Variants in DLG2 observed in about 807,000 individuals in gnomAD.
DLG2 encodes discs large MAGUK scaffold protein 2.
Under a neutral mutation model 132.5 loss-of-function variants are expected in DLG2, and 45 were observed. The ratio of observed to expected loss-of-function variants is 0.34; its 90% CI spans 0.27 to 0.44. The LOEUF is 0.44. Ranked by LOEUF, DLG2 falls within the 20% of genes least tolerant of loss-of-function variation. DLG2 has a pLI of 1.00. For missense variants in DLG2, 1,045 were observed against 1,196.9 expected (o/e 0.87, Z 1.87); for synonymous variants, 424 against 419.6 (o/e 1.01, Z -0.13).
chr11:84,545,368 T>A, intron 6 of DLG2: 1 of 523,096 alleles, frequency 1.9e-6, no homozygotes. Flanking sequence ...ATTATAGCCA[T>A]CCCACTGCCA....
At chr11:83,700,051 G>A (rs1329871560) in intron 18 of DLG2, among the ~76,000 whole-genome samples, 1 of 151,334 alleles carries the variant, frequency 6.6e-6, no homozygotes, top group Non-Finnish European at 1.5e-5. Flanking sequence ...AGACGAATGA[G>A]GGCAGGAGAG....
At chr11:85,097,526 A>C (rs953890514) in intron 6 of DLG2, among the ~76,000 whole-genome samples, 1 of 152,238 alleles carries the variant, frequency 6.6e-6, no homozygotes, top group African/African-American at 2.4e-5. Context: ...AATGGTGATG[A>C]GCTATAGAAG....
chr11:84,790,399 C>T (rs1299694606), intron 6 of DLG2, among the ~76,000 whole-genome samples: 3 of 152,150 alleles, frequency 2.0e-5, no homozygotes, highest in Admixed American at 6.5e-5. Context: ...TAAGAAATGT[C>T]TATTCAAATC....
intron 3 of DLG2, among the ~76,000 whole-genome samples, chr11:85,522,223 G>A (rs1204515044): frequency 6.6e-6 from 1 of 152,110 alleles, no homozygotes; most frequent in Non-Finnish European, 1.5e-5. Flanking sequence ...TGCTTCAGAG[G>A]GTGGAAGCCC....
At chr11:84,456,218 C>T (rs758115420) in intron 7 of DLG2, among the ~76,000 whole-genome samples, 9 of 151,182 alleles carry the variant, frequency 6.0e-5, no homozygotes, top group African/African-American at 7.3e-5. Flanking sequence ...TAAGTAGTTA[C>T]CCATGATATG....
intron 8 of DLG2, among the ~76,000 whole-genome samples, chr11:84,201,093 G>T (rs1199099493): frequency 3.3e-5 from 5 of 152,048 alleles, no homozygotes; most frequent in Non-Finnish European, 7.4e-5. Flanking sequence ...TGTCACATAT[G>T]GCTCTTATTA....
At chr11:83,889,616 C>A (rs1185187613) in intron 15 of DLG2, among the ~76,000 whole-genome samples, 9 of 152,214 alleles carry the variant, frequency 5.9e-5, no homozygotes, top group Middle Eastern at 6.8e-3. Flanking sequence ...TGGGTATATA[C>A]CCAAAGGACT....
chr11:85,540,885 G>T (rs915019332), intron 3 of DLG2, among the ~76,000 whole-genome samples: 18 of 152,346 alleles, frequency 1.2e-4, no homozygotes, highest in African/African-American at 4.3e-4. Flanking sequence ...TGCACGCCCT[G>T]CGAGGAGGAT....
chr11:83,893,879 C>T (rs2070746005), intron 15 of DLG2, among the ~76,000 whole-genome samples: 1 of 152,172 alleles, frequency 6.6e-6, no homozygotes. Context: ...GTGTTGACTT[C>T]ATTTAACAGG....
intron 6 of DLG2, among the ~76,000 whole-genome samples, chr11:84,906,532 T>C (rs182559433): frequency 3.9e-5 from 6 of 152,044 alleles, no homozygotes; most frequent in Admixed American, 3.9e-4. Context: ...GACAATTAAC[T>C]GACAGCTTAT....
At chr11:84,369,659 G>A (rs1430254923) in intron 7 of DLG2, among the ~76,000 whole-genome samples, 3 of 152,132 alleles carry the variant, frequency 2.0e-5, no homozygotes, top group African/African-American at 7.2e-5. Flanking sequence ...TCATGCCACA[G>A]ACATGGTTGG....
intron 19 of DLG2, among the ~76,000 whole-genome samples, chr11:83,545,390 T>C (rs191026365): frequency 1.9e-4 from 29 of 152,224 alleles, no homozygotes; most frequent in African/African-American, 6.0e-4. Context: ...CTGAAAAATA[T>C]ATTAGAATTT....
At chr11:84,876,840 A>G (rs529568667) in intron 6 of DLG2, among the ~76,000 whole-genome samples, 4 of 152,284 alleles carry the variant, frequency 2.6e-5, no homozygotes, top group Non-Finnish European at 2.9e-5. Flanking sequence ...ATTTCCCTCT[A>G]AACACTGCTT....
chr11:83,964,321 T>C (rs189142719), intron 13 of DLG2, among the ~76,000 whole-genome samples: 33 of 152,138 alleles, frequency 2.2e-4, no homozygotes, highest in African/African-American at 7.9e-4. Flanking sequence ...CTCAATTTAC[T>C]GCCAGCTTGA....
intron 5 of DLG2, among the ~76,000 whole-genome samples, chr11:85,142,298 C>T (rs1249892239): frequency 1.3e-5 from 2 of 151,584 alleles, no homozygotes; most frequent in African/African-American, 4.8e-5. Flanking sequence ...TATTCCTAGG[C>T]ATATTATTTT....
intron 9 of DLG2, among the ~76,000 whole-genome samples, chr11:84,118,669 C>A (rs1351103304): frequency 6.6e-6 from 1 of 152,128 alleles, no homozygotes; most frequent in African/African-American, 2.4e-5. Flanking sequence ...TAAACAATTT[C>A]TTTTGTTCTT....
intron 17 of DLG2, among the ~76,000 whole-genome samples, chr11:83,810,859 G>A (rs2047078505): frequency 6.6e-6 from 1 of 152,056 alleles, no homozygotes. Context: ...CTCTGTTCTT[G>A]AGGAGCTCAG....
At chr11:83,586,914 G>A (rs572989026) in intron 19 of DLG2, among the ~76,000 whole-genome samples, 54 of 152,180 alleles carry the variant, frequency 3.5e-4, no homozygotes, top group Non-Finnish European at 5.6e-4. Flanking sequence ...TGTGAAAATC[G>A]AAGTTGGTAG....
At chr11:84,948,029 G>C (rs1239313507) in intron 6 of DLG2, among the ~76,000 whole-genome samples, 1 of 152,132 alleles carries the variant, frequency 6.6e-6, no homozygotes, top group Admixed American at 6.5e-5. Context: ...AGGTTAGAAG[G>C]AGAGAAGTAT....
Sources: allele counts gnomAD v4.1 joint callset (sites outside exome capture counted in the v4.1 genomes callset), GRCh38; gene constraint gnomAD v4.1.1; transcripts MANE v1.5; gene names NCBI Gene and HGNC (gene_info 2026-07-23, HGNC 2026-07-21).